PIGX: variants seen among roughly 807,000 people sequenced by gnomAD.
PIGX encodes the protein GPI alpha-1,4-mannosyltransferase I, stabilizing subunit.
PIGX carries 24 observed loss-of-function variants against 28.7 expected under a neutral mutation model. The ratio of observed to expected loss-of-function variants is 0.84; its 90% confidence interval spans 0.60 to 1.17. The LOEUF (loss-of-function observed/expected upper bound fraction) is 1.17. Among genes scored for constraint, PIGX ranks in the 50% most tolerant of loss-of-function variants. The probability of loss-of-function intolerance (pLI) is 0.00; values close to 1 mark genes in which losing one functional copy is unlikely to be tolerated. For missense variants in PIGX, 305 were observed against 317.8 expected (o/e 0.96, Z 0.31); for synonymous variants, 127 against 121.0 (o/e 1.05, Z -0.33).
chr3:196,726,671 G>A (rs766244114), intron 3 of PIGX: 17 of 456,410 alleles, frequency 3.7e-5, no homozygotes, highest in South Asian at 6.2e-5. Flanking sequence ...ACTTCATGGC[G>A]GCGGCTATGG....
At chr3:196,730,496 T>C (rs1366394949) in intron 4 of PIGX, among the ~76,000 whole-genome samples, 1 of 152,048 alleles carries the variant, frequency 6.6e-6, no homozygotes, top group Non-Finnish European at 1.5e-5. Flanking sequence ...ACGCCTGTAA[T>C]CCCAACACTT....
In PIGX at chr3:196,734,792, A is replaced by G. The variant is rs1712943419; in HGVS notation, c.*890A>G. Reference sequence around the variant, plus strand: ...ACATTTTATCATGTTTCTTTTGAATATATGAATTGGCAAAGGACTTGATGA... The same window carrying G: ...ACATTTTATCATGTTTCTTTTGAATGTATGAATTGGCAAAGGACTTGATGA... On this transcript the variant is annotated 3_prime_UTR_variant, in exon 6 of 6. Transcript: ENST00000392391. 6.6e-6 allele frequency: 1 copy of G among 152,192 alleles called. No individual in the cohort carries two copies. The highest frequency in any genetic ancestry group is 6.5e-5 in the Admixed American group (1 of 15,274). The allele number at this position is 152,192 out of a possible 1,614,324, so 9.4% of individuals were successfully genotyped here.
chr3:196,718,679 G>C (rs1351630640), intron 2 of PIGX, among the ~76,000 whole-genome samples: 1 of 152,152 alleles, frequency 6.6e-6, no homozygotes, highest in Non-Finnish European at 1.5e-5. Context: ...CCATGACTCT[G>C]TTGTGATGCC....
chr3:196,732,578 C>T (rs1206910016), intron 5 of PIGX, among the ~76,000 whole-genome samples: 1 of 151,954 alleles, frequency 6.6e-6, no homozygotes, highest in Non-Finnish European at 1.5e-5. Context: ...CTGCACCCGG[C>T]CAACTTTATA....
rs150301924 is a variant in PIGX, at chr3:196,722,459, T to C, written c.221T>C (p.Leu74Ser). ...AAGTTTGGGGAAAGCATTGAGGACT[T>C]GCACACCTGCCGTCTCTTAATTAAA... is the stretch of plus-strand genomic sequence containing the variant. The change falls in exon 3 of 6, where the codon TTG becomes TCG. Residue 74 changes from leucine (L) to serine (S), a missense_variant. Physicochemically the swap from Leu to Ser is moderately radical, Grantham distance 145. Transcript: ENST00000392391. 4.2e-5 allele frequency: 68 copies of C among 1,612,442 alleles called. No homozygotes were observed. The East Asian group carries it at 1.5e-3, about 36-fold the overall frequency.
In PIGX at chr3:196,734,711, A is replaced by C. The variant is rs1044706675; in HGVS notation, c.*809A>C. 5 of 152,244 alleles carry C rather than the reference A, an allele frequency of 3.3e-5. No homozygotes were observed. The highest frequency in any genetic ancestry group is 1.2e-4 in the African/African-American group (5 of 41,462). The allele number at this position is 152,244 out of a possible 1,614,324, so 9.4% of individuals were successfully genotyped here. ...GCTAAGAAATTAATATTAATATCAA[A>C]ATTATTGATAATCTTAAATTATTGA... On this transcript the variant is annotated 3_prime_UTR_variant, in exon 6 of 6. Transcript: ENST00000392391.
In PIGX at chr3:196,730,905, C is replaced by G. The variant is rs1712725571; in HGVS notation, c.533-87C>G. On this transcript the variant is annotated intron_variant, in intron 4 of 5. Coordinates refer to ENST00000392391, the MANE Select transcript of PIGX (RefSeq NM_017861.4). ...ATACATAATGTATTAAAATGTTTGACAACTTCTGTCTATTGAGGTTTAATA... is the reference window on the plus strand; with the variant it reads ...ATACATAATGTATTAAAATGTTTGAGAACTTCTGTCTATTGAGGTTTAATA... The G allele has an allele frequency of 4.3e-6, 3 of 702,092 alleles. No individual in the cohort carries two copies. In the African/African-American group the frequency reaches 5.4e-5, roughly 13 times the overall value. The allele number at this position is 702,092 out of a possible 1,614,324, so 43.5% of individuals were successfully genotyped here. A position where few individuals can be genotyped will look rare whatever the true frequency, so the allele number is the denominator to read the frequency against.
chr3:196,712,381 G>A lies in PIGX; in HGVS notation c.-152G>A. On this transcript the variant is annotated 5_prime_UTR_variant, in exon 1 of 6. Coordinates refer to ENST00000392391, the MANE Select transcript of PIGX (RefSeq NM_017861.4). ...TTGGGGGCCGGGGCTGCAGGCAGCT[G>A]GGAACCGCGGGCGCTAGGCGCGCGC... 1 of 311,186 alleles carries A rather than the reference G, an allele frequency of 3.2e-6. No individual in the cohort carries two copies. The highest frequency in any genetic ancestry group is 5.2e-5 in the Admixed American group (1 of 19,074). The allele number at this position is 311,186 out of a possible 1,614,324, so 19.3% of individuals were successfully genotyped here. A position where few individuals can be genotyped will look rare whatever the true frequency, so the allele number is the denominator to read the frequency against.
intron 4 of PIGX, 103 bp from the exon 5 acceptor site, chr3:196,730,889 G>T: frequency 7.0e-6 from 4 of 574,680 alleles, no homozygotes; most frequent in Admixed American, 2.9e-5. Flanking sequence ...TATACATAAT[G>T]TATTAAAATG....
At chr3:196,712,784 C>T (rs1288188337) in intron 1 of PIGX, 140 bp downstream of exon 1, 45 of 1,107,302 alleles carry the variant, frequency 4.1e-5, no homozygotes, top group Non-Finnish European at 4.4e-5. Context: ...ACACTAGAGC[C>T]GTGTGCCCTC....
chr3:196,719,182 G>T (rs1273660899), intron 2 of PIGX, among the ~76,000 whole-genome samples: 7 of 151,970 alleles, frequency 4.6e-5, no homozygotes. Context: ...GGAGTGATTA[G>T]ACCGTTTATT....
chr3:196,732,254 A>ATTTTT (rs1189283560), intron 5 of PIGX, among the ~76,000 whole-genome samples: 1 of 23,862 alleles, frequency 4.2e-5, no homozygotes, highest in African/African-American at 1.7e-4. Context: ...ATATATATAT[A>ATTTTT]TATTTTATTT....
At chr3:196,714,463 CTTTT>C (rs35728280) in intron 1 of PIGX, among the ~76,000 whole-genome samples, 6 of 138,920 alleles carry the variant, frequency 4.3e-5, no homozygotes, top group African/African-American at 5.3e-5. Context: ...GGCCCTGTCT[CTTTT>C]TTTTTTTTTT....
At chr3:196,732,633 T>G (rs1208997877) in intron 5 of PIGX, among the ~76,000 whole-genome samples, 2 of 152,058 alleles carry the variant, frequency 1.3e-5, no homozygotes, top group Non-Finnish European at 2.9e-5. Context: ...TGGCCATTAC[T>G]AAGGTGGTAT....
chr3:196,712,608 CCCGCCGCGGCCTTCA>C lies in PIGX; in HGVS notation c.85_99del (p.Ala29_Ala33del). The C allele has an allele frequency of 8.4e-7, 1 of 1,190,842 alleles. No homozygotes were observed. The highest frequency in any genetic ancestry group is 3.6e-5 in the East Asian group (1 of 27,862). 73.8% of individuals were successfully genotyped at this position (1,190,842 alleles called of 1,614,324 possible). A position where few individuals can be genotyped will look rare whatever the true frequency, so the allele number is the denominator to read the frequency against. On this transcript the variant is annotated inframe_deletion, in exon 1 of 6. Coordinates refer to ENST00000392391, the MANE Select transcript of PIGX (RefSeq NM_017861.4). ...GGCGGCGACCGGGCTCACGCGCGGG[CCCGCCGCGGCCTTCA>C]CCGCCGCGCGCTCTGACGCCGGTAA...
At chr3:196,721,852 A>G (rs1025197598) in intron 2 of PIGX, among the ~76,000 whole-genome samples, 4 of 152,092 alleles carry the variant, frequency 2.6e-5, no homozygotes, top group Non-Finnish European at 5.9e-5. Context: ...TCCCAGGCTC[A>G]AAAGATTCTC....
chr3:196,718,287 C>G (rs1432104137), intron 2 of PIGX, among the ~76,000 whole-genome samples: 2 of 150,428 alleles, frequency 1.3e-5, no homozygotes, highest in Non-Finnish European at 3.0e-5. Flanking sequence ...TTCAGCCTGG[C>G]AACAGAGCGA....
rs1207992476 is a variant in PIGX, at chr3:196,712,414, A to T, written c.-119A>T. 2 of 392,272 alleles carry T rather than the reference A, an allele frequency of 5.1e-6. No homozygotes were observed. Among genetic ancestry groups the T allele is most frequent in the Non-Finnish European group, 7.7e-6 (2 of 260,206 alleles). The allele number at this position is 392,272 out of a possible 1,614,324, so 24.3% of individuals were successfully genotyped here. ...CGGGCGCTAGGCGCGCGCACCCAGCACTCGGTCCCAGCCGATAAATCTGGG... is the reference window on the plus strand; with the variant it reads ...CGGGCGCTAGGCGCGCGCACCCAGCTCTCGGTCCCAGCCGATAAATCTGGG... On this transcript the variant is annotated 5_prime_UTR_variant, in exon 1 of 6. Coordinates refer to ENST00000392391, the MANE Select transcript of PIGX (RefSeq NM_017861.4).
intron 3 of PIGX, among the ~76,000 whole-genome samples, chr3:196,724,576 TAG>T (rs1251719106): frequency 2.0e-5 from 3 of 152,188 alleles, no homozygotes; most frequent in Admixed American, 2.0e-4. Context: ...AGGGTACAGG[TAG>T]AGAGTGCCAT....
Sources: gnomAD v4.1 joint callset for allele counts (sites outside exome capture counted in the v4.1 genomes callset) on GRCh38, gnomAD v4.1.1 for gene constraint, MANE v1.5 for transcripts, NCBI Gene and HGNC (gene_info 2026-07-23, HGNC 2026-07-21) for gene names.